Variants in CAST observed in about 807,000 individuals in gnomAD.
The protein encoded by CAST is MIR583 host.
In CAST, 76 loss-of-function variants were observed where a neutral mutation model predicts 119.6. The observed-to-expected ratio is 0.64, with a 90% CI of 0.53 to 0.77. The LOEUF (loss-of-function observed/expected upper bound fraction) is 0.77. CAST is among the 30% of genes least tolerant of loss of function. The pLI is 0.00. For synonymous variants in CAST, 319 were observed against 331.6 expected, an observed-to-expected ratio of 0.96 and a Z score of 0.41; for missense variants, 953 against 946.5, an observed-to-expected ratio of 1.01 and a Z score of -0.09.
the CAST span, among the ~76,000 whole-genome samples, chr5:96,061,664 T>C: frequency 1.3e-5 from 2 of 151,518 alleles, no homozygotes; most frequent in Non-Finnish European, 2.9e-5. Context: ...TGTGTGTGTG[T>C]GTGCGTGTGT....
chr5:96,525,735 A>G (rs1030989560), upstream of CAST, among the ~76,000 whole-genome samples: 2 of 152,228 alleles, frequency 1.3e-5, no homozygotes, highest in African/African-American at 2.4e-5. Context: ...TAAGCATCAT[A>G]GGAAACCAAA....
the CAST span, among the ~76,000 whole-genome samples, chr5:96,240,310 A>C: frequency 7.9e-5 from 12 of 151,696 alleles, no homozygotes; most frequent in East Asian, 2.1e-3. Context: ...TGTCTCCCAC[A>C]GACTGAGAGG....
chr5:96,768,045 T>A (rs889232924), intron 29 of CAST, 46 bp downstream of exon 29: 2 of 1,165,440 alleles, frequency 1.7e-6, no homozygotes, highest in Admixed American at 3.4e-5. Context: ...TGTGTGTGTG[T>A]ATGTGTACAT....
At chr5:96,295,168 A>G in the CAST span, among the ~76,000 whole-genome samples, 1 of 152,204 alleles carries the variant, frequency 6.6e-6, no homozygotes, top group Admixed American at 6.5e-5. Context: ...TTCATGAAGA[A>G]AAATAATTGT....
chr5:96,573,149 C>A (rs1018352929), intron 1 of CAST, among the ~76,000 whole-genome samples: 1 of 152,134 alleles, frequency 6.6e-6, no homozygotes, highest in African/African-American at 2.4e-5. Flanking sequence ...GGTTTATGTT[C>A]TTGGATTGTG....
intron 1 of CAST, among the ~76,000 whole-genome samples, chr5:96,624,501 C>G (rs923867474): frequency 6.6e-6 from 1 of 152,170 alleles, no homozygotes; most frequent in African/African-American, 2.4e-5. Flanking sequence ...GAATATTTTT[C>G]TTTTTCCTTT....
chr5:96,603,759 C>CTTTTTTTTTTT (rs70981832), intron 1 of CAST, among the ~76,000 whole-genome samples: 1 of 79,500 alleles, frequency 1.3e-5, no homozygotes, highest in Non-Finnish European at 2.3e-5. Flanking sequence ...GTGCTGTACT[C>CTTTTTTTTTTT]TTTTTTTTTT....
At chr5:96,042,385 G>T in the CAST span, among the ~76,000 whole-genome samples, 3 of 152,220 alleles carry the variant, frequency 2.0e-5, no homozygotes, top group East Asian at 1.9e-4. Context: ...TTGTCCTCCA[G>T]TTTATTTCTG....
At position 96,730,814 on chromosome 5, in the gene CAST, A is replaced by G. The variant is rs1021422234; in HGVS notation, c.584A>G (p.Glu195Gly). The G allele has an allele frequency of 1.9e-6, 3 of 1,613,944 alleles. No individual in the cohort carries two copies. Among genetic ancestry groups the G allele is most frequent in the Admixed American group, 3.3e-5 (2 of 60,000 alleles). ...KPQDMISAGGESVAGITAISG... is the reference protein window; with the variant it reads ...KPQDMISAGGGSVAGITAISG... ...CAAGACATGATTTCTGCTGGTGGAG[A>G]GAGTGTTGCTGGTATCACTGCAATA... Residue 195 changes from glutamate (E) to glycine (G), a missense_variant, in exon 9 of 32, where the codon GAG becomes GGG. Transcript: ENST00000675179.
At chr5:96,009,654 T>G in the CAST span, among the ~76,000 whole-genome samples, 2 of 152,302 alleles carry the variant, frequency 1.3e-5, no homozygotes, top group East Asian at 3.9e-4. Flanking sequence ...TTTTGTTTTT[T>G]GCTTGTTGAT....
the CAST span, among the ~76,000 whole-genome samples, chr5:96,511,299 C>G: frequency 2.0e-5 from 3 of 152,158 alleles, no homozygotes; most frequent in Non-Finnish European, 4.4e-5. Flanking sequence ...CGCCCGCCAC[C>G]ACGCCTGGCT....
At chr5:96,150,209 T>C in the CAST span, among the ~76,000 whole-genome samples, 1 of 152,182 alleles carries the variant, frequency 6.6e-6, no homozygotes, top group Admixed American at 6.5e-5. Flanking sequence ...AACAAAGCAG[T>C]AGGTGTCAAG....
the CAST span, among the ~76,000 whole-genome samples, chr5:96,513,138 A>T: frequency 0.13 from 19,640 of 152,112 alleles, 2,143 homozygotes; most frequent in East Asian, 0.3. Context: ...TGGTTGTATG[A>T]CCTTTGTCAA....
At chr5:96,599,515 A>C (rs1352064428) in intron 1 of CAST, among the ~76,000 whole-genome samples, 1 of 152,160 alleles carries the variant, frequency 6.6e-6, no homozygotes, top group Non-Finnish European at 1.5e-5. Flanking sequence ...GGAAGTCTTA[A>C]TTGTGCTTAG....
At chr5:96,466,083 C>T in the CAST span, among the ~76,000 whole-genome samples, 1 of 152,048 alleles carries the variant, frequency 6.6e-6, no homozygotes, top group African/African-American at 2.4e-5. Flanking sequence ...TTTTCTCAGT[C>T]ATAGAGTACA....
the CAST span, among the ~76,000 whole-genome samples, chr5:96,116,688 G>T: frequency 2.6e-5 from 4 of 151,990 alleles, no homozygotes; most frequent in South Asian, 8.3e-4. Flanking sequence ...ATCTTTCTTA[G>T]GCTTATTGTT....
intron 2 of CAST, among the ~76,000 whole-genome samples, chr5:96,684,868 C>A (rs1258976381): frequency 5.9e-5 from 9 of 152,016 alleles, no homozygotes; most frequent in Non-Finnish European, 1.0e-4. Context: ...CCATGCCAGA[C>A]CGTATGCATC....
At chr5:96,358,805 C>T in the CAST span, among the ~76,000 whole-genome samples, 29 of 152,244 alleles carry the variant, frequency 1.9e-4, no homozygotes, top group African/African-American at 6.0e-4. Context: ...AATATATATT[C>T]TGTTGATCTG....
the CAST span, among the ~76,000 whole-genome samples, chr5:96,243,873 T>G: frequency 6.6e-6 from 1 of 152,196 alleles, no homozygotes; most frequent in Non-Finnish European, 1.5e-5. Flanking sequence ...CATGAGCACT[T>G]GACTCAAGCC....
Sources: gnomAD v4.1 joint callset for allele counts (sites outside exome capture counted in the v4.1 genomes callset) on GRCh38, gnomAD v4.1.1 for gene constraint, MANE v1.5 for transcripts, NCBI Gene and HGNC (gene_info 2026-07-23, HGNC 2026-07-21) for gene names.